PCDHGB7: variants seen among roughly 807,000 people sequenced by gnomAD.
PCDHGB7 encodes the protein protocadherin gamma subfamily B, 7, also known as protocadherin gamma-B7.
In PCDHGB7, 37 loss-of-function variants were observed where a neutral mutation model predicts 61.4. The ratio of observed to expected loss-of-function variants is 0.60; its 90% CI spans 0.46 to 0.79. The LOEUF is 0.79. Ranked by LOEUF, PCDHGB7 falls within the 30% of genes least tolerant of loss-of-function variation. The pLI is 0.00. For synonymous variants in PCDHGB7, 464 were observed against 503.5 expected (o/e 0.92, Z 1.05); for missense variants, 1,166 against 1,202.5 (o/e 0.97, Z 0.45).
chr5:141,461,196 T>C (rs1398352067), intron 1 of PCDHGB7, among the ~76,000 whole-genome samples: 3 of 152,128 alleles, frequency 2.0e-5, no homozygotes. Context: ...TGTTTTTTGC[T>C]CTTTAGAGAA....
chr5:141,420,968 T>A (rs1031890748), intron 1 of PCDHGB7: 1 of 441,548 alleles, frequency 2.3e-6, no homozygotes, highest in Non-Finnish European at 4.0e-6. Context: ...GTTGCAATAA[T>A]AAGAATGGGC....
At position 141,432,898 on chromosome 5, in the gene PCDHGB7, G is replaced by C. The variant is rs746913952; in HGVS notation, c.2415+12624G>C. ...TGGCCTTCGTCATCTTGCTGCTGGC[G>C]CTCAGGCTGCGGCGCTGGCACAAGT... On this transcript the variant is annotated intron_variant, in intron 1 of 3. Coordinates refer to ENST00000398594, the MANE Select transcript of PCDHGB7 (RefSeq NM_018927.4). The surrounding 1 kb of genome is among the most constrained non-coding windows in gnomAD (Gnocchi z 6.0). 28 of 1,614,056 alleles carry C rather than the reference G, an allele frequency of 1.7e-5. No individual in the cohort carries two copies. In the African/African-American group the frequency reaches 2.4e-4, roughly 14 times the overall value.
Position 141,476,500 on chromosome 5 carries a change from C to A in PCDHGB7, c.2416-18307C>A. The A allele has an allele frequency of 6.2e-7, 1 of 1,613,874 alleles. No homozygotes were observed. The highest frequency in any genetic ancestry group is 8.5e-7 in the Non-Finnish European group (1 of 1,179,950). ...GCGTGGAAGTGGTGATCCAGGACAT[C>A]AACGACAACAATCCTGCTTTCCCTA... On this transcript the variant is annotated intron_variant, in intron 1 of 3. Coordinates refer to ENST00000398594, the MANE Select transcript of PCDHGB7 (RefSeq NM_018927.4). The surrounding 1 kb of genome is among the most constrained non-coding windows in gnomAD (Gnocchi z 7.6).
At chr5:141,444,507 G>C (rs1213059531) in intron 1 of PCDHGB7, among the ~76,000 whole-genome samples, 1 of 152,068 alleles carries the variant, frequency 6.6e-6, no homozygotes, top group Non-Finnish European at 1.5e-5. Context: ...CTTTGCTCTA[G>C]CAGTATAGTA....
At chr5:141,449,137 A>C (rs1257120647) in intron 1 of PCDHGB7, among the ~76,000 whole-genome samples, 1 of 152,176 alleles carries the variant, frequency 6.6e-6, no homozygotes, top group Non-Finnish European at 1.5e-5. Context: ...AATGGAATTG[A>C]AATTGCTGGG....
In PCDHGB7 at chr5:141,491,354, C is replaced by T. The variant is rs2099710960; in HGVS notation, c.2416-3453C>T. The T allele has an allele frequency of 6.2e-7, 1 of 1,614,166 alleles. No homozygotes were observed. Among genetic ancestry groups the T allele is most frequent in the South Asian group, 1.1e-5 (1 of 91,088 alleles). On this transcript the variant is annotated intron_variant, in intron 1 of 3. Coordinates refer to ENST00000398594, the MANE Select transcript of PCDHGB7 (RefSeq NM_018927.4). This position sits in a 1 kb window ranked among gnomAD's most constrained non-coding sequence, Gnocchi z 6.9. ...GCTCTAGCGACCGTCAGTCTCTTAT[C>T]CCTAGTCACCTTCACCTTTCTGTCA...
intron 2 of PCDHGB7, among the ~76,000 whole-genome samples, chr5:141,502,124 A>G (rs4912762): frequency 0.55 from 83,213 of 152,012 alleles, 23,486 homozygotes; most frequent in African/African-American, 0.67. Flanking sequence ...CCAGGCCCAC[A>G]GAGCTCAGTC....
intron 1 of PCDHGB7, among the ~76,000 whole-genome samples, chr5:141,425,386 G>C (rs2096871887): frequency 6.6e-6 from 1 of 152,224 alleles, no homozygotes; most frequent in South Asian, 2.1e-4. Context: ...TTCGGAGGTA[G>C]TGATAAAGTT....
At chr5:141,430,551 C>T (rs2097292247) in intron 1 of PCDHGB7, 2 of 406,412 alleles carry the variant, frequency 4.9e-6, no homozygotes, top group Admixed American at 4.1e-5. Context: ...CCGCTGTTCA[C>T]CAATCGGGGA....
At chr5:141,473,853 C>T (rs2099329853) in intron 1 of PCDHGB7, among the ~76,000 whole-genome samples, 1 of 152,128 alleles carries the variant, frequency 6.6e-6, no homozygotes, top group Non-Finnish European at 1.5e-5. Flanking sequence ...GGAAGATGAA[C>T]CTCGCTATTG....
chr5:141,490,033 A>C lies in PCDHGB7; in HGVS notation c.2416-4774A>C, dbSNP rs200482631. The C allele has an allele frequency of 4.0e-5, 65 of 1,614,116 alleles. No homozygotes were observed. Among genetic ancestry groups the C allele is most frequent in the Non-Finnish European group, 4.1e-5 (48 of 1,180,040 alleles). On this transcript the variant is annotated intron_variant, in intron 1 of 3. Transcript: ENST00000398594. This position sits in a 1 kb window ranked among gnomAD's most constrained non-coding sequence, Gnocchi z 5.4. ...CATTGGTACTCTGCTGCTCCGCCTC[A>C]ATGCCACTGATCCAGACGAGGGCAC...
Position 141,486,388 on chromosome 5 carries a change from C to T in PCDHGB7, c.2416-8419C>T, listed in dbSNP as rs2099628930. ...TCAAGTCTGCCTTCAGGAACCAGTT[C>T]TCCCTGGTGACTGCTGGACCCTTGG... On this transcript the variant is annotated intron_variant, in intron 1 of 3. Coordinates refer to ENST00000398594, the MANE Select transcript of PCDHGB7 (RefSeq NM_018927.4). This position sits in a 1 kb window ranked among gnomAD's most constrained non-coding sequence, Gnocchi z 5.0. 2 of 1,613,988 alleles carry T rather than the reference C, an allele frequency of 1.2e-6. No individual in the cohort carries two copies. The highest frequency in any genetic ancestry group is 2.7e-5 in the African/African-American group (2 of 74,924).
rs138641753 is a variant in PCDHGB7, at chr5:141,430,814, C to T, written c.2415+10540C>T. On this transcript the variant is annotated intron_variant, in intron 1 of 3. Transcript: ENST00000398594. ...CAAAGGGCTTGTCCTGCTGGGAATC[C>T]TCCTGGGGACTCTGTGGGAGACCGG... is the stretch of plus-strand genomic sequence containing the variant. 97 of 1,534,514 alleles carry T rather than the reference C, an allele frequency of 6.3e-5. No homozygotes were observed. The African/African-American group carries it at 1.1e-3, about 17-fold the overall frequency.
chr5:141,418,006 C>T lies in PCDHGB7; in HGVS notation c.147C>T (p.Asn49=). ...TGGCCAAGGGCTCGGTGGTGGGGAACCTCGCTAAGGATCTAGGGCTTAGTG... is the reference window on the plus strand; with the variant it reads ...TGGCCAAGGGCTCGGTGGTGGGGAATCTCGCTAAGGATCTAGGGCTTAGTG... The part of the protein sequence containing the change: ...EELAKGSVVG[N]LAKDLGLSVL... Residue 49 remains asparagine, a synonymous_variant, in exon 1 of 4, where the codon AAC becomes AAT. Transcript: ENST00000398594. 7 of 1,613,896 alleles carry T rather than the reference C, an allele frequency of 4.3e-6. No homozygotes were observed. The highest frequency in any genetic ancestry group is 5.9e-6 in the Non-Finnish European group (7 of 1,179,774).
At chr5:141,421,823 G>A in intron 1 of PCDHGB7, 1 of 1,613,802 alleles carries the variant, frequency 6.2e-7, no homozygotes. Flanking sequence ...GTACTGGAGG[G>A]AAGCCTGGAC....
chr5:141,490,045 C>G lies in PCDHGB7; in HGVS notation c.2416-4762C>G, dbSNP rs530803072. 6 of 1,614,114 alleles carry G rather than the reference C, an allele frequency of 3.7e-6. No individual in the cohort carries two copies. The highest frequency in any genetic ancestry group is 5.1e-6 in the Non-Finnish European group (6 of 1,180,014). On this transcript the variant is annotated intron_variant, in intron 1 of 3. Coordinates refer to ENST00000398594, the MANE Select transcript of PCDHGB7 (RefSeq NM_018927.4). This position sits in a 1 kb window ranked among gnomAD's most constrained non-coding sequence, Gnocchi z 5.4. ...GCTGCTCCGCCTCAATGCCACTGAT[C>G]CAGACGAGGGCACCAACGGCCAACT...
At chr5:141,422,716 G>A (rs1348237465) in intron 1 of PCDHGB7, 1 of 1,604,378 alleles carries the variant, frequency 6.2e-7, no homozygotes, top group Non-Finnish European at 8.5e-7. Flanking sequence ...GGATGACACT[G>A]TCCAGGGGGT....
chr5:141,439,212 T>G (rs1391791892), intron 1 of PCDHGB7, among the ~76,000 whole-genome samples: 1 of 150,642 alleles, frequency 6.6e-6, no homozygotes, highest in Non-Finnish European at 1.5e-5. Context: ...AAAATCCATA[T>G]GTGAAAATTC....
rs6883529 is a variant in PCDHGB7, at chr5:141,427,618, A to G, written c.2415+7344A>G. On this transcript the variant is annotated intron_variant, in intron 1 of 3. Coordinates refer to ENST00000398594, the MANE Select transcript of PCDHGB7 (RefSeq NM_018927.4). ...ACCCTACGCATTGGTGAAGTCAACG[A>G]CAATGCTCCGGTTTTCCACCAAGTC... The G allele has an allele frequency of 3.3e-3, 2,299 of 695,914 alleles. 37 individuals are homozygous for G. In the African/African-American group the frequency reaches 0.033, roughly 10 times the overall value. 43.1% of individuals were successfully genotyped at this position (695,914 alleles called of 1,614,324 possible).
Sources: gnomAD v4.1 joint callset for allele counts (sites outside exome capture counted in the v4.1 genomes callset) on GRCh38, gnomAD v4.1.1 for gene constraint, Gnocchi (gnomAD v3.1) non-coding constraint, MANE v1.5 for transcripts, NCBI Gene and HGNC (gene_info 2026-07-23, HGNC 2026-07-21) for gene names.